The following GABRG1 variants were observed in gnomAD, a reference collection of about 807,000 sequenced individuals.
GABRG1 encodes the protein gamma-aminobutyric acid type A receptor subunit gamma1, also known as gamma-aminobutyric acid receptor subunit gamma-1.
GABRG1 carries 49 observed loss-of-function variants against 49.8 expected under a neutral mutation model. The observed-to-expected ratio is 0.98, with a 90% CI of 0.78 to 1.25. The LOEUF (loss-of-function observed/expected upper bound fraction) is 1.25, where lower values mean the gene tolerates loss of function less well. Ranked by LOEUF, GABRG1 falls within the 50% of genes most tolerant of loss-of-function variation. The pLI is 0.00. For missense variants in GABRG1, 552 were observed against 552.3 expected, an observed-to-expected ratio of 1.00 and a Z score of 0.01; for synonymous variants, 232 against 185.1, an observed-to-expected ratio of 1.25 and a Z score of -2.06.
chr4:46,051,753 C>G, intron 7 of GABRG1, 115 bp from the exon 8 acceptor site: 1 of 596,102 alleles, frequency 1.7e-6, no homozygotes, highest in Non-Finnish European at 2.9e-6. Context: ...AATATGATTA[C>G]TAGTAATTTA....
intron 1 of GABRG1, among the ~76,000 whole-genome samples, chr4:46,098,467 C>G (rs1720263993): frequency 6.6e-6 from 1 of 151,730 alleles, no homozygotes; most frequent in African/African-American, 2.4e-5. Context: ...TTCCCTCAAA[C>G]AGTAAATACT....
chr4:46,076,903 A>G (rs774173169), intron 3 of GABRG1, among the ~76,000 whole-genome samples: 1 of 151,896 alleles, frequency 6.6e-6, no homozygotes, highest in Non-Finnish European at 1.5e-5. Flanking sequence ...GTGTATATAT[A>G]TAGCCTGAAG....
chr4:46,065,827 A>G (rs1023235590), intron 3 of GABRG1, among the ~76,000 whole-genome samples: 1 of 152,000 alleles, frequency 6.6e-6, no homozygotes, highest in African/African-American at 2.4e-5. Context: ...GGTTCACGCC[A>G]TTCTCCTGCC....
chr4:46,085,886 A>G (rs1441867191), intron 2 of GABRG1, among the ~76,000 whole-genome samples: 2 of 151,618 alleles, frequency 1.3e-5, no homozygotes, highest in Admixed American at 1.3e-4. Flanking sequence ...CTAAGACATT[A>G]TATTTTAATT....
chr4:46,060,496 G>A (rs187662467), intron 5 of GABRG1, among the ~76,000 whole-genome samples: 208 of 152,164 alleles, frequency 1.4e-3, no homozygotes, highest in African/African-American at 4.9e-3. Context: ...TAGCTAAAAA[G>A]TTCTTTCTAC....
At chr4:46,068,483 T>C (rs1718996765) in intron 3 of GABRG1, among the ~76,000 whole-genome samples, 1 of 152,086 alleles carries the variant, frequency 6.6e-6, no homozygotes, top group Non-Finnish European at 1.5e-5. Context: ...TTAATCACTG[T>C]TGGAAGACTT....
At chr4:46,083,357 G>A (rs1286764757) in intron 3 of GABRG1, among the ~76,000 whole-genome samples, 1 of 151,546 alleles carries the variant, frequency 6.6e-6, no homozygotes, top group Non-Finnish European at 1.5e-5. Flanking sequence ...ACTGCTATAA[G>A]AGAGATGTAT....
chr4:46,097,623 A>G lies in GABRG1; in HGVS notation c.105-274T>C, dbSNP rs149155703. 3.0e-3 allele frequency among the ~76,000 whole-genome samples: 451 copies of G among 151,768 alleles called. 1 individual carries two copies. The highest frequency in any genetic ancestry group is 0.011 in the African/African-American group (439 of 41,512). On this transcript the variant is annotated intron_variant, in intron 1 of 8. Transcript: ENST00000295452. ...CACAACTGTCATTAACATTCATAAA[A>G]ATTATTCCACCAAAATATGACTGGT...
At chr4:46,087,865 T>C (rs1379238210) in intron 2 of GABRG1, among the ~76,000 whole-genome samples, 1 of 152,016 alleles carries the variant, frequency 6.6e-6, no homozygotes, top group African/African-American at 2.4e-5. Context: ...TACATTTAGA[T>C]ATATGTGGAT....
At chr4:46,093,636 G>A (rs921229989) in intron 2 of GABRG1, among the ~76,000 whole-genome samples, 4 of 151,782 alleles carry the variant, frequency 2.6e-5, no homozygotes, top group African/African-American at 9.7e-5. Context: ...AAATACTCGA[G>A]GTGACTACCC....
Position 46,038,535 on chromosome 4 carries a change from C to T in GABRG1, c.*2453G>A, listed in dbSNP as rs1717620809. The stretch of plus-strand genomic sequence containing the variant: ...ATTCAATAAATTATTATATAACTCC[C>T]CAGAGAAAGAGGAAGATTTTTTAAA... On this transcript the variant is annotated 3_prime_UTR_variant, in exon 9 of 9. Coordinates refer to ENST00000295452, the MANE Select transcript of GABRG1 (RefSeq NM_173536.4). 1 of 151,158 alleles carries T rather than the reference C, an allele frequency of 6.6e-6. No homozygotes were observed. Among genetic ancestry groups the T allele is most frequent in the Non-Finnish European group, 1.5e-5 (1 of 67,582 alleles). The allele number at this position is 151,158 out of a possible 1,614,324, so 9.4% of individuals were successfully genotyped here. A position where few individuals can be genotyped will look rare whatever the true frequency, so the allele number is the denominator to read the frequency against.
intron 2 of GABRG1, among the ~76,000 whole-genome samples, chr4:46,094,241 G>A (rs1476430461): frequency 6.6e-6 from 1 of 151,860 alleles, no homozygotes; most frequent in African/African-American, 2.4e-5. Flanking sequence ...ATAACTTAAA[G>A]ACAAAAAATG....
intron 7 of GABRG1, among the ~76,000 whole-genome samples, chr4:46,057,309 G>C (rs938184444): frequency 6.6e-6 from 1 of 151,966 alleles, no homozygotes; most frequent in African/African-American, 2.4e-5. Flanking sequence ...GTACTTATTA[G>C]ATGGAATCAT....
At position 46,037,702 on chromosome 4, in the gene GABRG1, G is replaced by A. The variant is rs566177428; in HGVS notation, c.*3286C>T. The A allele has an allele frequency of 8.6e-5, 13 of 151,670 alleles. No homozygotes were observed. The highest frequency in any genetic ancestry group is 4.2e-4 in the South Asian group (2 of 4,812). 9.4% of individuals were successfully genotyped at this position (151,670 alleles called of 1,614,324 possible). A position where few individuals can be genotyped will look rare whatever the true frequency, so the allele number is the denominator to read the frequency against. On this transcript the variant is annotated 3_prime_UTR_variant, in exon 9 of 9. Coordinates refer to ENST00000295452, the MANE Select transcript of GABRG1 (RefSeq NM_173536.4). ...ATATTATGCATGTATTTATTCATTC[G>A]TTATACATTTACTTAAATACTGGTT...
rs1491407033 is a variant in GABRG1, at chr4:46,056,150, T to TAAAAAAA, written c.916+2066_916+2067insTTTTTTT. Among the ~76,000 whole-genome samples, 83 of 46,056 alleles carry TAAAAAAA rather than the reference T, an allele frequency of 1.8e-3. 8 individuals carry two copies. The highest frequency in any genetic ancestry group is 3.5e-3 in the Non-Finnish European group (68 of 19,286). 30.2% of individuals were successfully genotyped at this position (46,056 alleles called of 152,430 possible). ...AAAAAAAAAAAAATAAATAAATAAA[T>TAAAAAAA]TAAAAAAAAAAAAAAAAAAAAAAAA... On this transcript the variant is annotated intron_variant, in intron 7 of 8. Coordinates refer to ENST00000295452, the MANE Select transcript of GABRG1 (RefSeq NM_173536.4).
chr4:46,113,247 A>G (rs960227637), intron 1 of GABRG1, among the ~76,000 whole-genome samples: 2 of 151,122 alleles, frequency 1.3e-5, no homozygotes, highest in African/African-American at 4.8e-5. Flanking sequence ...CTCACAGTTC[A>G]GTATAACTGG....
At chr4:46,066,491 A>G (rs1718926284) in intron 3 of GABRG1, among the ~76,000 whole-genome samples, 1 of 152,200 alleles carries the variant, frequency 6.6e-6, no homozygotes, top group African/African-American at 2.4e-5. Context: ...ACATCTATTA[A>G]TAGAAATATA....
intron 5 of GABRG1, 97 bp downstream of exon 5, chr4:46,064,344 T>C (rs986248524): frequency 4.5e-6 from 3 of 660,448 alleles, no homozygotes; most frequent in African/African-American, 1.9e-5. Flanking sequence ...TAACTCACAC[T>C]TTTGAAAATC....
At chr4:46,072,844 GT>G (rs894677911) in intron 3 of GABRG1, among the ~76,000 whole-genome samples, 1 of 151,930 alleles carries the variant, frequency 6.6e-6, no homozygotes, top group African/African-American at 2.4e-5. Context: ...GTGTTTACCT[GT>G]TTTTTAAACC....
Sources: gnomAD v4.1 joint callset for allele counts (sites outside exome capture counted in the v4.1 genomes callset) on GRCh38, gnomAD v4.1.1 for gene constraint, MANE v1.5 for transcripts, NCBI Gene and HGNC (gene_info 2026-07-23, HGNC 2026-07-21) for gene names.